Variants in SH3PXD2A observed in about 807,000 individuals in gnomAD.
The protein encoded by SH3PXD2A is SH3 and PX domains 2A, also known as SH3 and PX domain-containing protein 2A.
SH3PXD2A carries 32 observed loss-of-function variants against 115.2 expected under a neutral mutation model. The ratio of observed to expected loss-of-function variants is 0.28; its 90% CI spans 0.21 to 0.37. The LOEUF (loss-of-function observed/expected upper bound fraction) is 0.37, where lower values mean the gene tolerates loss of function less well. Among genes scored for constraint, SH3PXD2A ranks in the 10% least tolerant of loss-of-function variants. SH3PXD2A has a pLI of 1.00. For missense variants in SH3PXD2A, 1,328 were observed against 1,498.7 expected (o/e 0.89, Z 1.88); for synonymous variants, 610 against 629.1 (o/e 0.97, Z 0.45).
intron 2 of SH3PXD2A, among the ~76,000 whole-genome samples, chr10:103,775,199 G>C (rs936380740): frequency 6.6e-6 from 1 of 152,206 alleles, no homozygotes; most frequent in Non-Finnish European, 1.5e-5. Context: ...AGGTTCTAAA[G>C]TTCCTTAACA....
intron 2 of SH3PXD2A, among the ~76,000 whole-genome samples, chr10:103,795,230 T>A (rs140441436): frequency 0.01 from 1,570 of 152,378 alleles, 30 homozygotes; most frequent in African/African-American, 0.035. Flanking sequence ...CAAAAATTTT[T>A]AATTAACTTT....
chr10:103,816,904 T>C lies in SH3PXD2A; in HGVS notation c.73-15542A>G, dbSNP rs116493927. Among the ~76,000 whole-genome samples the C allele has an allele frequency of 7.9e-3, 1,200 of 151,786 alleles. 17 individuals carry two copies. The highest frequency in any genetic ancestry group is 0.024 in the African/African-American group (1,008 of 41,412). On this transcript the variant is annotated intron_variant, in intron 1 of 14. Transcript: ENST00000369774. ...CCAGGCTGGAGTACAGTGGTGCCATTACTGCAACCTCCACCTCCCTGGTTC... is the reference window on the plus strand; with the variant it reads ...CCAGGCTGGAGTACAGTGGTGCCATCACTGCAACCTCCACCTCCCTGGTTC...
intron 1 of SH3PXD2A, among the ~76,000 whole-genome samples, chr10:103,851,670 T>A (rs569976466): frequency 6.6e-5 from 10 of 152,272 alleles, no homozygotes; most frequent in African/African-American, 2.4e-4. Context: ...TACCCCACAT[T>A]AGGGTACATT....
chr10:103,720,325 C>T (rs1210190296), intron 5 of SH3PXD2A, among the ~76,000 whole-genome samples: 1 of 152,250 alleles, frequency 6.6e-6, no homozygotes, highest in Non-Finnish European at 1.5e-5. Flanking sequence ...GAAGAACATC[C>T]TTTCTGTGCA....
intron 2 of SH3PXD2A, among the ~76,000 whole-genome samples, chr10:103,772,085 G>A (rs1028315425): frequency 2.0e-5 from 3 of 152,226 alleles, no homozygotes; most frequent in African/African-American, 4.8e-5. Context: ...CAAATCTCTG[G>A]GCTCAGACTC....
At chr10:103,813,104 T>C (rs1429396325) in intron 1 of SH3PXD2A, among the ~76,000 whole-genome samples, 4 of 152,216 alleles carry the variant, frequency 2.6e-5, no homozygotes, top group East Asian at 1.9e-4. Context: ...GTTTATAGTA[T>C]CTTGAGAAAA....
intron 1 of SH3PXD2A, among the ~76,000 whole-genome samples, chr10:103,804,116 T>C (rs1319537480): frequency 2.0e-5 from 3 of 151,934 alleles, no homozygotes; most frequent in African/African-American, 7.3e-5. Flanking sequence ...AGAGAACAGA[T>C]TGTAAATGTT....
At chr10:103,775,851 A>C (rs2038872705) in intron 2 of SH3PXD2A, among the ~76,000 whole-genome samples, 1 of 152,164 alleles carries the variant, frequency 6.6e-6, no homozygotes, top group Admixed American at 6.5e-5. Flanking sequence ...TTCAGAACCC[A>C]GCTCAAGGAC....
chr10:103,851,018 T>G (rs1830214510), intron 1 of SH3PXD2A, among the ~76,000 whole-genome samples: 1 of 151,262 alleles, frequency 6.6e-6, no homozygotes, highest in Non-Finnish European at 1.5e-5. Context: ...GTGCCACAGG[T>G]AGGATTCAAG....
intron 8 of SH3PXD2A, 27 bp downstream of exon 8, chr10:103,660,956 T>C: frequency 6.2e-7 from 1 of 1,612,638 alleles, no homozygotes; most frequent in African/African-American, 1.3e-5. Flanking sequence ...GGAACCCCAG[T>C]GGACGGCCAT....
At chr10:103,720,627 G>C (rs1373561874) in intron 5 of SH3PXD2A, among the ~76,000 whole-genome samples, 1 of 152,214 alleles carries the variant, frequency 6.6e-6, no homozygotes, top group African/African-American at 2.4e-5. Context: ...TTGATAATTT[G>C]ATAAGCCACT....
chr10:103,825,234 A>G (rs1564898434), intron 1 of SH3PXD2A, among the ~76,000 whole-genome samples: 1 of 151,976 alleles, frequency 6.6e-6, no homozygotes, highest in Non-Finnish European at 1.5e-5. Flanking sequence ...CACCTCACAC[A>G]CCTGCTTCCA....
intron 2 of SH3PXD2A, among the ~76,000 whole-genome samples, chr10:103,772,363 C>G (rs1332590819): frequency 1.3e-5 from 2 of 152,210 alleles, no homozygotes; most frequent in Non-Finnish European, 2.9e-5. Flanking sequence ...AGGAAGAAGG[C>G]TGGGCGCGGG....
chr10:103,642,337 A>G (rs2036968170), intron 8 of SH3PXD2A, among the ~76,000 whole-genome samples: 1 of 152,202 alleles, frequency 6.6e-6, no homozygotes, highest in South Asian at 2.1e-4. Flanking sequence ...TCTTTGCTAC[A>G]CAGATTTGCT....
At position 103,597,374 on chromosome 10, in the gene SH3PXD2A, T is replaced by TA. The variant is rs1185294977; in HGVS notation, c.*4441dup. 1 of 152,220 alleles carries TA rather than the reference T, an allele frequency of 6.6e-6. No homozygotes were observed. The allele number at this position is 152,220 out of a possible 1,614,324, so 9.4% of individuals were successfully genotyped here. On this transcript the variant is annotated 3_prime_UTR_variant, in exon 15 of 15. Coordinates refer to ENST00000369774, the MANE Select transcript of SH3PXD2A (RefSeq NM_001394015.1). ...TACACCAGAAGGATCACAGCCCAAA[T>TA]ATCAGGACACTGGGGTGAGAGAGGG...
chr10:103,702,596 C>CATGTGTGTGTGTGTGT (rs72182362), intron 5 of SH3PXD2A, among the ~76,000 whole-genome samples: 3 of 147,448 alleles, frequency 2.0e-5, no homozygotes, highest in African/African-American at 7.6e-5. Context: ...TGTGTGTGTG[C>CATGTGTGTGTGTGTGT]GTGTGTGTGT....
chr10:103,774,773 A>T (rs1472137774), intron 2 of SH3PXD2A, among the ~76,000 whole-genome samples: 2 of 152,120 alleles, frequency 1.3e-5, no homozygotes, highest in Admixed American at 1.3e-4. Flanking sequence ...TTTTCCAAGT[A>T]CCTCTAACTT....
At chr10:103,711,319 T>G (rs1296202628) in intron 5 of SH3PXD2A, among the ~76,000 whole-genome samples, 1 of 152,250 alleles carries the variant, frequency 6.6e-6, no homozygotes, top group Non-Finnish European at 1.5e-5. Flanking sequence ...GCCTGTTGCC[T>G]GCACCTACTG....
At chr10:103,669,550 G>A (rs770646105) in intron 6 of SH3PXD2A, among the ~76,000 whole-genome samples, 2 of 152,332 alleles carry the variant, frequency 1.3e-5, no homozygotes, top group Admixed American at 1.3e-4. Context: ...TGATGCAGTC[G>A]AACTACAGTG....
Sources: gnomAD v4.1 joint callset for allele counts (sites outside exome capture counted in the v4.1 genomes callset) on GRCh38, gnomAD v4.1.1 for gene constraint, MANE v1.5 for transcripts, NCBI Gene and HGNC (gene_info 2026-07-23, HGNC 2026-07-21) for gene names.